C17orf67: variants seen among roughly 807,000 people sequenced by gnomAD.
C17orf67 encodes uncharacterized protein C17orf67.
Under a neutral mutation model 11.2 loss-of-function variants are expected in C17orf67, and 12 were observed. That is an observed-to-expected ratio of 1.07 (90% confidence interval 0.68 to 1.73). C17orf67 has a LOEUF of 1.73. Ranked by LOEUF, C17orf67 falls within the 40% of genes most tolerant of loss-of-function variation. The probability of loss-of-function intolerance (pLI) is 0.00; values close to 1 mark genes in which losing one functional copy is unlikely to be tolerated. For missense variants in C17orf67, 115 were observed against 113.5 expected (o/e 1.01, Z -0.06); for synonymous variants, 59 against 46.9 (o/e 1.26, Z -1.05).
chr17:56,800,511 C>T (rs1276615596), intron 6 of C17orf67, among the ~76,000 whole-genome samples: 1 of 152,192 alleles, frequency 6.6e-6, no homozygotes, highest in Non-Finnish European at 1.5e-5. Context: ...TCCTGAGCCT[C>T]TTCTCTCACC....
At chr17:56,820,449 C>T (rs866369646) in intron 4 of C17orf67, among the ~76,000 whole-genome samples, 1 of 152,166 alleles carries the variant, frequency 6.6e-6, no homozygotes, top group African/African-American at 2.4e-5. Context: ...CCCACCCACA[C>T]ACACTCACGC....
chr17:56,807,903 T>TAAATA (rs922304093), intron 6 of C17orf67, among the ~76,000 whole-genome samples: 2 of 144,424 alleles, frequency 1.4e-5, no homozygotes, highest in African/African-American at 5.1e-5. Context: ...AATAAATAAA[T>TAAATA]AATAAATAAA....
At chr17:56,825,989 C>G (rs1363209588) in intron 2 of C17orf67, among the ~76,000 whole-genome samples, 1 of 152,036 alleles carries the variant, frequency 6.6e-6, no homozygotes, top group East Asian at 1.9e-4. Context: ...GAGTCTCGCT[C>G]TGTCACCCAG....
chr17:56,816,420 T>C (rs528690822), intron 4 of C17orf67, among the ~76,000 whole-genome samples: 3 of 152,294 alleles, frequency 2.0e-5, no homozygotes, highest in Admixed American at 6.5e-5. Context: ...TTTCCTCCCC[T>C]GTCAAAAGGA....
intron 2 of C17orf67, among the ~76,000 whole-genome samples, chr17:56,832,554 T>C (rs1906242646): frequency 6.6e-6 from 1 of 152,214 alleles, no homozygotes; most frequent in Non-Finnish European, 1.5e-5. Flanking sequence ...TCCCAGTTAC[T>C]GTGGGAGGAT....
chr17:56,802,976 G>A (rs936748861), intron 6 of C17orf67, among the ~76,000 whole-genome samples: 8 of 152,204 alleles, frequency 5.3e-5, no homozygotes, highest in African/African-American at 1.9e-4. Flanking sequence ...AGGAATCCAG[G>A]CAGTGGTACC....
At chr17:56,798,815 C>T (rs1004809987) in intron 6 of C17orf67, among the ~76,000 whole-genome samples, 8 of 152,062 alleles carry the variant, frequency 5.3e-5, no homozygotes, top group East Asian at 3.9e-4. Flanking sequence ...CCCTCGGAGA[C>T]AGTACGAGCC....
intron 4 of C17orf67, among the ~76,000 whole-genome samples, chr17:56,820,181 T>A (rs1026506378): frequency 2.6e-5 from 4 of 152,126 alleles, no homozygotes; most frequent in Non-Finnish European, 5.9e-5. Flanking sequence ...AAGAGGTGAG[T>A]TCCTATGGCA....
Position 56,792,192 on chromosome 17 carries a change from A to T in C17orf67, c.*181T>A, listed in dbSNP as rs549182345. The T allele has an allele frequency of 1.3e-5, 2 of 152,356 alleles. No homozygotes were observed. The highest frequency in any genetic ancestry group is 4.8e-5 in the African/African-American group (2 of 41,584). The allele number at this position is 152,356 out of a possible 1,614,324, so 9.4% of individuals were successfully genotyped here. The stretch of plus-strand genomic sequence containing the variant: ...TTTTAGTGATCTATGCAGGTTAGTA[A>T]AATGAAGCAGTATATATATTTGCCA... On this transcript the variant is annotated 3_prime_UTR_variant, in exon 8 of 8. Coordinates refer to ENST00000397861, the MANE Select transcript of C17orf67 (RefSeq NM_001085430.4).
chr17:56,803,036 C>T (rs993241363), intron 6 of C17orf67, among the ~76,000 whole-genome samples: 4 of 152,106 alleles, frequency 2.6e-5, no homozygotes, highest in African/African-American at 4.8e-5. Context: ...ACTTACAGTA[C>T]GAAAATAAAA....
intron 6 of C17orf67, among the ~76,000 whole-genome samples, chr17:56,807,971 C>T (rs891639176): frequency 7.9e-5 from 12 of 152,042 alleles, no homozygotes; most frequent in Non-Finnish European, 1.5e-5. Flanking sequence ...CTGAAACCTA[C>T]ATGCCTCCAA....
At chr17:56,823,578 A>G (rs556022263) in intron 4 of C17orf67, among the ~76,000 whole-genome samples, 1 of 152,232 alleles carries the variant, frequency 6.6e-6, no homozygotes, top group Admixed American at 6.5e-5. Context: ...ATGAAAAACC[A>G]TAATAGCAGA....
chr17:56,827,370 T>C (rs1371300499), intron 2 of C17orf67, among the ~76,000 whole-genome samples: 1 of 152,202 alleles, frequency 6.6e-6, no homozygotes, highest in Non-Finnish European at 1.5e-5. Flanking sequence ...CTGGTGTCTG[T>C]TGTGGCTGTG....
intron 2 of C17orf67, among the ~76,000 whole-genome samples, chr17:56,831,950 T>C (rs556155480): frequency 1.3e-5 from 2 of 152,276 alleles, no homozygotes; most frequent in East Asian, 3.8e-4. Context: ...CAGTTTCTTT[T>C]TCTTTCTTTT....
Position 56,822,975 on chromosome 17 carries a change from G to A in C17orf67, c.-201+1764C>T, listed in dbSNP as rs377443786. Among the ~76,000 whole-genome samples the A allele has an allele frequency of 2.0e-5, 3 of 152,210 alleles. No homozygotes were observed. In the East Asian group the frequency reaches 5.8e-4, roughly 29 times the overall value. ...TGTTGGCCTCAACTATGTCTGCCCA[G>A]CAGGTGAGGACAGCCAAGGTCAGCA... is the stretch of plus-strand genomic sequence containing the variant. On this transcript the variant is annotated intron_variant, in intron 4 of 7. Transcript: ENST00000397861.
At chr17:56,808,352 T>C (rs1005676473) in intron 6 of C17orf67, among the ~76,000 whole-genome samples, 1 of 152,208 alleles carries the variant, frequency 6.6e-6, no homozygotes, top group Admixed American at 6.5e-5. Context: ...AATGTATCCG[T>C]TATTCCTGCT....
chr17:56,807,460 G>A (rs1161320355), intron 6 of C17orf67, among the ~76,000 whole-genome samples: 1 of 152,164 alleles, frequency 6.6e-6, no homozygotes, highest in Non-Finnish European at 1.5e-5. Context: ...TTGCCTTTGG[G>A]AAGTATGGAG....
intron 6 of C17orf67, among the ~76,000 whole-genome samples, chr17:56,813,919 CA>C (rs1279663989): frequency 2.6e-5 from 4 of 152,072 alleles, no homozygotes. Flanking sequence ...GAAACTTCCC[CA>C]AACTTACCCA....
chr17:56,808,161 C>G (rs1336863580), intron 6 of C17orf67, among the ~76,000 whole-genome samples: 1 of 152,126 alleles, frequency 6.6e-6, no homozygotes, highest in African/African-American at 2.4e-5. Flanking sequence ...CCCTTGCTCT[C>G]TTGTCAGCCC....
Sources: gnomAD v4.1 joint callset for allele counts (sites outside exome capture counted in the v4.1 genomes callset) on GRCh38, gnomAD v4.1.1 for gene constraint, MANE v1.5 for transcripts, NCBI Gene and HGNC (gene_info 2026-07-23, HGNC 2026-07-21) for gene names.